The following GRIA1 variants were observed in gnomAD, a reference collection of about 807,000 sequenced individuals.
GRIA1 encodes glutamate ionotropic receptor AMPA type subunit 1.
GRIA1 carries 31 observed loss-of-function variants against 99.2 expected under a neutral mutation model. The observed-to-expected ratio is 0.31, with a 90% CI of 0.23 to 0.42. The LOEUF is 0.42. GRIA1 is among the 10% of genes least tolerant of loss of function. The pLI is 1.00. For missense variants in GRIA1, 782 were observed against 1,157.5 expected (o/e 0.68, Z 4.71); for synonymous variants, 438 against 432.4 (o/e 1.01, Z -0.16).
chr5:153,600,218 T>C (rs565592324), intron 2 of GRIA1, among the ~76,000 whole-genome samples: 88 of 151,594 alleles, frequency 5.8e-4, no homozygotes, highest in East Asian at 9.7e-4. Flanking sequence ...GGTGAAACAC[T>C]GTCTCTACTA....
intron 2 of GRIA1, among the ~76,000 whole-genome samples, chr5:153,572,292 C>A (rs370234627): frequency 2.5e-4 from 38 of 152,246 alleles, no homozygotes; most frequent in Middle Eastern, 3.4e-3. Context: ...AAGCTGGAAT[C>A]TGATGGTGAT....
intron 11 of GRIA1, among the ~76,000 whole-genome samples, chr5:153,750,139 G>A (rs181957941): frequency 1.4e-4 from 21 of 152,134 alleles, no homozygotes; most frequent in African/African-American, 5.1e-4. Context: ...CAGCATCTTG[G>A]ATGAAGTGGC....
At chr5:153,644,211 T>C (rs1753972685) in intron 2 of GRIA1, among the ~76,000 whole-genome samples, 1 of 152,202 alleles carries the variant, frequency 6.6e-6, no homozygotes, top group Non-Finnish European at 1.5e-5. Flanking sequence ...TGCTTCCTGG[T>C]AGAGAAATCA....
chr5:153,606,744 C>T (rs1765471609), intron 2 of GRIA1, among the ~76,000 whole-genome samples: 2 of 151,630 alleles, frequency 1.3e-5, no homozygotes, highest in East Asian at 1.9e-4. Flanking sequence ...GTCTCGTGAC[C>T]TTGCTAAATT....
rs537098912 is a variant in GRIA1 at position 153,630,188 on chromosome 5, C to G, written c.221-16740C>G. Among the ~76,000 whole-genome samples the G allele has an allele frequency of 5.3e-5, 8 of 152,246 alleles. No individual in the cohort carries two copies. In the South Asian group the frequency reaches 1.7e-3, roughly 32 times the overall value. On this transcript the variant is annotated intron_variant, in intron 2 of 15. Transcript: ENST00000285900. ...GAAAGTAAAATGTGTAGTCTATTTT[C>G]TAGCATTAAAGTGCTCAGTATATGC...
intron 7 of GRIA1, among the ~76,000 whole-genome samples, chr5:153,677,608 T>C (rs1756682697): frequency 6.6e-6 from 1 of 152,224 alleles, no homozygotes; most frequent in South Asian, 2.1e-4. Context: ...GATACTACCT[T>C]CTTGCTTCTC....
chr5:153,617,577 G>A (rs776725089), intron 2 of GRIA1, among the ~76,000 whole-genome samples: 19 of 152,142 alleles, frequency 1.2e-4, no homozygotes, highest in Non-Finnish European at 2.2e-4. Context: ...ACTGGGATTA[G>A]GGAGAATTGG....
At chr5:153,758,161 T>C (rs1762945781) in intron 11 of GRIA1, among the ~76,000 whole-genome samples, 1 of 152,048 alleles carries the variant, frequency 6.6e-6, no homozygotes, top group African/African-American at 2.4e-5. Context: ...AATCTGTTTT[T>C]TGAAACTAGA....
In GRIA1 at chr5:153,549,140, CCTTTCAACCAGGTTAAAACCTGGTT is replaced by C. The variant is rs1431663365; in HGVS notation, c.220+55088_220+55112del. Among the ~76,000 whole-genome samples, 3 of 152,240 alleles carry C rather than the reference CCTTTCAACCAGGTTAAAACCTGGTT, an allele frequency of 2.0e-5. No homozygotes were observed. In the East Asian group the frequency reaches 5.8e-4, roughly 29 times the overall value. Reference sequence around the variant, plus strand: ...GCTAACCAGAAAATGAGCTCCCCCTCCTTTCAACCAGGTTAAAACCTGGTTCTTTCAACCAGGCTGGATAATTGAG... The same window carrying C: ...GCTAACCAGAAAATGAGCTCCCCCTCCTTTCAACCAGGCTGGATAATTGAG... On this transcript the variant is annotated intron_variant, in intron 2 of 15. Transcript: ENST00000285900.
rs1425075546 is a variant in GRIA1 at position 153,507,345 on chromosome 5, A to G, written c.220+13280A>G. Reference sequence around the variant, plus strand: ...TGCAAGAATGAAGCTTTCTGGGGCTATGTTCTCCTCAACACCACCACAGGG... The same window carrying G: ...TGCAAGAATGAAGCTTTCTGGGGCTGTGTTCTCCTCAACACCACCACAGGG... On this transcript the variant is annotated intron_variant, in intron 2 of 15. Coordinates refer to ENST00000285900, the MANE Select transcript of GRIA1 (RefSeq NM_000827.4). 3.9e-5 allele frequency among the ~76,000 whole-genome samples: 6 copies of G among 152,102 alleles called. No homozygotes were observed. In the East Asian group the frequency reaches 9.7e-4, roughly 25 times the overall value.
At chr5:153,672,184 T>C (rs1026045540) in intron 5 of GRIA1, among the ~76,000 whole-genome samples, 3 of 150,566 alleles carry the variant, frequency 2.0e-5, no homozygotes, top group African/African-American at 7.3e-5. Context: ...CACCTCAGGG[T>C]CATGCCATGC....
At chr5:153,809,908 G>T (rs1337893852) in intron 15 of GRIA1, among the ~76,000 whole-genome samples, 5 of 152,076 alleles carry the variant, frequency 3.3e-5, no homozygotes, top group East Asian at 3.9e-4. Context: ...GAAGAGGTAG[G>T]GTTGGTCCCA....
chr5:153,710,380 A>T (rs4333368), intron 11 of GRIA1, among the ~76,000 whole-genome samples: 1 of 151,844 alleles, frequency 6.6e-6, no homozygotes, highest in Non-Finnish European at 1.5e-5. Flanking sequence ...AAGCCTCCAC[A>T]CCCAGCTAAT....
chr5:153,728,347 C>A (rs1438628391), intron 11 of GRIA1, among the ~76,000 whole-genome samples: 1 of 145,278 alleles, frequency 6.9e-6, no homozygotes, highest in African/African-American at 2.6e-5. Context: ...TCTAAAACAC[C>A]AAAAGCAATG....
At chr5:153,535,835 C>T (rs1758518242) in intron 2 of GRIA1, among the ~76,000 whole-genome samples, 1 of 152,214 alleles carries the variant, frequency 6.6e-6, no homozygotes, top group African/African-American at 2.4e-5. Flanking sequence ...TTTCCCTTAT[C>T]CATGTCTTTG....
chr5:153,607,781 C>T (rs1247602148), intron 2 of GRIA1, among the ~76,000 whole-genome samples: 3 of 151,918 alleles, frequency 2.0e-5, no homozygotes, highest in Non-Finnish European at 2.9e-5. Flanking sequence ...TTTTTACAGT[C>T]GACAATATGG....
intron 11 of GRIA1, 70 bp from the exon 12 acceptor site, chr5:153,764,364 C>A: frequency 1.7e-6 from 2 of 1,209,954 alleles, no homozygotes; most frequent in Non-Finnish European, 1.2e-6. Context: ...CGGACCCGTG[C>A]TCAGTCCCTC....
intron 5 of GRIA1, among the ~76,000 whole-genome samples, chr5:153,672,785 G>T (rs1345213805): frequency 6.6e-6 from 1 of 152,094 alleles, no homozygotes; most frequent in Non-Finnish European, 1.5e-5. Flanking sequence ...ATCGACCATG[G>T]ATCCCCTGCT....
intron 2 of GRIA1, among the ~76,000 whole-genome samples, chr5:153,531,372 C>T (rs1284868609): frequency 6.6e-6 from 1 of 152,154 alleles, no homozygotes; most frequent in Non-Finnish European, 1.5e-5. Context: ...CCAACCAAGG[C>T]AGGAACTGCC....
Sources: allele counts gnomAD v4.1 joint callset (sites outside exome capture counted in the v4.1 genomes callset), GRCh38; gene constraint gnomAD v4.1.1; transcripts MANE v1.5; gene names NCBI Gene and HGNC (gene_info 2026-07-23, HGNC 2026-07-21).